Variants in PIAS2 observed in about 807,000 individuals in gnomAD.
PIAS2 encodes protein inhibitor of activated STAT 2.
PIAS2 carries 19 observed loss-of-function variants against 69.7 expected under a neutral mutation model. The ratio of observed to expected loss-of-function variants is 0.27; its 90% CI spans 0.19 to 0.40. The LOEUF (loss-of-function observed/expected upper bound fraction) is 0.40. Ranked by LOEUF, PIAS2 falls within the 10% of genes least tolerant of loss-of-function variation. PIAS2 has a pLI of 1.00. For synonymous variants in PIAS2, 261 were observed against 263.2 expected (o/e 0.99, Z 0.08); for missense variants, 624 against 757.0 (o/e 0.82, Z 2.06).
intron 2 of PIAS2, among the ~76,000 whole-genome samples, chr18:46,874,956 C>T (rs2050931524): frequency 6.6e-6 from 1 of 152,138 alleles, no homozygotes; most frequent in East Asian, 1.9e-4. Context: ...GGACAGACCA[C>T]ACGCGAGTGA....
At chr18:46,860,371 CA>C (rs1452524517) in intron 3 of PIAS2, among the ~76,000 whole-genome samples, 1 of 152,176 alleles carries the variant, frequency 6.6e-6, no homozygotes, top group African/African-American at 2.4e-5. Context: ...TCAAATAGAT[CA>C]CTTTTTTTGG....
chr18:46,844,261 T>C (rs2045848950), intron 7 of PIAS2, 134 bp from the exon 8 acceptor site: 2 of 410,584 alleles, frequency 4.9e-6, no homozygotes, highest in African/African-American at 2.1e-5. Context: ...ACTCCCAATA[T>C]AAGTTAAAGA....
intron 2 of PIAS2, among the ~76,000 whole-genome samples, chr18:46,885,683 C>CA (rs908058011): frequency 0.022 from 2,757 of 125,738 alleles, 28 homozygotes; most frequent in African/African-American, 0.033. Context: ...GACTCCGTCT[C>CA]AAAAAAAAAA....
In PIAS2 at chr18:46,804,405, T is replaced by G. The variant is rs1000538434; in HGVS notation, c.*8028A>C. Reference sequence around the variant, plus strand: ...TCCTCAATTACAAGCTGCATGACCCTGGGCAAGTAAGTCGCTTATCCTGTC... The same window carrying G: ...TCCTCAATTACAAGCTGCATGACCCGGGGCAAGTAAGTCGCTTATCCTGTC... On this transcript the variant is annotated 3_prime_UTR_variant, in exon 14 of 14. Coordinates refer to ENST00000585916, the MANE Select transcript of PIAS2 (RefSeq NM_004671.5). 2.0e-5 allele frequency: 3 copies of G among 152,214 alleles called. No homozygotes were observed. The highest frequency in any genetic ancestry group is 7.2e-5 in the African/African-American group (3 of 41,456). The allele number at this position is 152,214 out of a possible 1,614,324, so 9.4% of individuals were successfully genotyped here.
chr18:46,872,783 T>C (rs978736016), intron 2 of PIAS2, among the ~76,000 whole-genome samples: 25 of 152,174 alleles, frequency 1.6e-4, no homozygotes, highest in African/African-American at 5.8e-4. Flanking sequence ...TTGCTGACTA[T>C]GGATTGATTA....
intron 5 of PIAS2, among the ~76,000 whole-genome samples, chr18:46,848,598 A>G (rs533416129): frequency 7.9e-5 from 12 of 152,356 alleles, no homozygotes; most frequent in Middle Eastern, 3.4e-3. Flanking sequence ...TCACTGTCTC[A>G]TAAGAGGCAA....
chr18:46,856,637 G>A (rs1012031302), intron 3 of PIAS2, among the ~76,000 whole-genome samples: 1 of 152,138 alleles, frequency 6.6e-6, no homozygotes, highest in Non-Finnish European at 1.5e-5. Flanking sequence ...CAGACTCTCA[G>A]GCCCCATCCT....
chr18:46,905,504 G>A (rs1163533362), intron 1 of PIAS2, among the ~76,000 whole-genome samples: 1 of 151,832 alleles, frequency 6.6e-6, no homozygotes, highest in African/African-American at 2.4e-5. Context: ...AATGAAACAG[G>A]AAGGATACAC....
intron 12 of PIAS2, chr18:46,816,774 A>G: frequency 5.1e-6 from 5 of 983,970 alleles, no homozygotes; most frequent in Non-Finnish European, 4.8e-6. Flanking sequence ...AGCTTGCTGT[A>G]ATTTTTCATT....
At chr18:46,840,870 C>T (rs72907165) in intron 8 of PIAS2, among the ~76,000 whole-genome samples, 1,683 of 152,044 alleles carry the variant, frequency 0.011, 17 homozygotes, top group Non-Finnish European at 0.017. Flanking sequence ...TGGCATTATC[C>T]AAATTCTATT....
rs1470746347 is a variant in PIAS2 at position 46,809,387 on chromosome 18, C to G, written c.*3046G>C. On this transcript the variant is annotated 3_prime_UTR_variant, in exon 14 of 14. Transcript: ENST00000585916. ...CAGACCTCAGGCACGAAACTATTTT[C>G]AGCACCAATTACACTGTGGGGGGTT... 1 of 152,176 alleles carries G rather than the reference C, an allele frequency of 6.6e-6. No homozygotes were observed. The highest frequency in any genetic ancestry group is 6.5e-5 in the Admixed American group (1 of 15,280). The allele number at this position is 152,176 out of a possible 1,614,324, so 9.4% of individuals were successfully genotyped here. A position where few individuals can be genotyped will look rare whatever the true frequency, so the allele number is the denominator to read the frequency against.
chr18:46,862,246 G>A (rs547404700), intron 3 of PIAS2, among the ~76,000 whole-genome samples: 2 of 152,172 alleles, frequency 1.3e-5, no homozygotes, highest in Admixed American at 6.5e-5. Flanking sequence ...CAGGAGAATC[G>A]CCTGAAACCG....
intron 1 of PIAS2, chr18:46,905,909 T>C (rs573242038): frequency 1.3e-5 from 2 of 152,282 alleles, no homozygotes; most frequent in Admixed American, 6.5e-5. Context: ...TTTTTAACTA[T>C]AGGCTAGTTT....
intron 13 of PIAS2, among the ~76,000 whole-genome samples, chr18:46,814,950 T>C (rs947225175): frequency 6.6e-6 from 1 of 152,234 alleles, no homozygotes; most frequent in South Asian, 2.1e-4. Flanking sequence ...GGTTTAGCTA[T>C]TGATTTTCTA....
At chr18:46,815,884 G>A (rs1418203698) in intron 12 of PIAS2, 3 of 985,378 alleles carry the variant, frequency 3.0e-6, no homozygotes, top group African/African-American at 1.7e-5. Context: ...GAATTGCTGC[G>A]CTAACAGGGT....
intron 2 of PIAS2, among the ~76,000 whole-genome samples, chr18:46,876,879 T>C (rs1481956628): frequency 6.6e-6 from 1 of 152,032 alleles, no homozygotes; most frequent in African/African-American, 2.4e-5. Context: ...TTTTTGTATT[T>C]TTAGTAGAGA....
rs1462512069 is a variant in PIAS2, at chr18:46,828,115, C to T, written c.1352G>A (p.Ser451Asn). 3 of 1,606,514 alleles carry T rather than the reference C, an allele frequency of 1.9e-6. No homozygotes were observed. The highest frequency in any genetic ancestry group is 1.1e-5 in the South Asian group (1 of 89,974). ...CTKIESSSVL[S>N]KPCSVTVASE... Reference sequence around the variant, plus strand: ...GGCTACAGTCACTGAACAAGGCTTACTGAGGACGCTTGAACCTGCATGTAA... The same window carrying T: ...GGCTACAGTCACTGAACAAGGCTTATTGAGGACGCTTGAACCTGCATGTAA... The change falls in exon 11 of 14, where the codon AGT becomes AAT. Residue 451 changes from serine to asparagine, a missense_variant. Ser to Asn is a conservative substitution (Grantham distance 46). Around this residue, in one of 3 missense-constraint regions of PIAS2, gnomAD observed 241 missense variants for 257.3 expected, o/e 0.94. Coordinates refer to ENST00000585916, the MANE Select transcript of PIAS2 (RefSeq NM_004671.5).
At chr18:46,890,391 T>A (rs2053890206) in intron 2 of PIAS2, among the ~76,000 whole-genome samples, 189 bp downstream of exon 2, 1 of 152,228 alleles carries the variant, frequency 6.6e-6, no homozygotes, top group African/African-American at 2.4e-5. Flanking sequence ...AGAAGAAAGA[T>A]CAAATGATAT....
chr18:46,841,258 G>A lies in PIAS2; in HGVS notation c.1041+2796C>T, dbSNP rs566325788. 6.9e-4 allele frequency among the ~76,000 whole-genome samples: 105 copies of A among 152,220 alleles called. 3 individuals are homozygous for A. In the South Asian group the frequency reaches 0.02, roughly 29 times the overall value. ...ATTTGCTCCCACTTTTCAGACTCAC[G>A]TCCACTGCAAATCACTTTACGAAAA... On this transcript the variant is annotated intron_variant, in intron 8 of 13. Transcript: ENST00000585916.
Sources: allele counts gnomAD v4.1 joint callset (sites outside exome capture counted in the v4.1 genomes callset), GRCh38; gene constraint gnomAD v4.1.1; regional missense constraint gnomAD v4.1.1; transcripts MANE v1.5; gene names NCBI Gene and HGNC (gene_info 2026-07-23, HGNC 2026-07-21).